Variants in ANKRD44 observed in about 807,000 individuals in gnomAD.
ANKRD44 encodes ankyrin repeat domain 44.
Under a neutral mutation model 116.0 loss-of-function variants are expected in ANKRD44, and 35 were observed. The ratio of observed to expected loss-of-function variants is 0.30; its 90% confidence interval spans 0.23 to 0.40. The LOEUF (loss-of-function observed/expected upper bound fraction) is 0.40, where lower values mean the gene tolerates loss of function less well. Among genes scored for constraint, ANKRD44 ranks in the 10% least tolerant of loss-of-function variants. ANKRD44 has a pLI of 1.00. For missense variants in ANKRD44, 1,014 were observed against 1,242.6 expected (o/e 0.82, Z 2.77); for synonymous variants, 435 against 461.8 (o/e 0.94, Z 0.74).
At chr2:197,271,359 G>A (rs1451267673) in intron 1 of ANKRD44, among the ~76,000 whole-genome samples, 2 of 152,194 alleles carry the variant, frequency 1.3e-5, no homozygotes, top group Admixed American at 1.3e-4. Flanking sequence ...GTGCAAGAAG[G>A]CACCATCTAC....
chr2:197,162,782 G>C (rs4850769), intron 2 of ANKRD44, among the ~76,000 whole-genome samples: 95,818 of 152,098 alleles, frequency 0.63, 34,004 homozygotes, highest in East Asian at 0.95. Flanking sequence ...CTGGGCTATG[G>C]GTACAGGGCA....
chr2:197,148,617 A>G (rs1468017824), intron 2 of ANKRD44, among the ~76,000 whole-genome samples: 1 of 152,182 alleles, frequency 6.6e-6, no homozygotes, highest in African/African-American at 2.4e-5. Context: ...TTGCTTTTAG[A>G]CATTTCATGA....
Position 197,078,812 on chromosome 2 carries a change from C to T in ANKRD44, c.1541G>A (p.Cys514Tyr). ...ATCATTTTGAAGCAGAAACTCTAGA[C>T]ATCTGTAAGTATAAAGATGAAGTGT... is the stretch of plus-strand genomic sequence containing the variant. ...RELKEKEATL[C>Y]LEFLLQNDAN... Residue 514 changes from cysteine (C) to tyrosine (Y), a missense_variant and splice_region_variant, in exon 16 of 28, where the codon TGT becomes TAT. By Grantham distance (194) the Cys-to-Tyr change is radical. Coordinates refer to ENST00000282272, the MANE Select transcript of ANKRD44 (RefSeq NM_001195144.2). The T allele has an allele frequency of 1.9e-6, 3 of 1,612,590 alleles. No homozygotes were observed. The highest frequency in any genetic ancestry group is 4.5e-5 in the East Asian group (2 of 44,846).
chr2:197,215,095 C>T (rs2081415962), intron 1 of ANKRD44, among the ~76,000 whole-genome samples: 1 of 152,142 alleles, frequency 6.6e-6, no homozygotes, highest in African/African-American at 2.4e-5. Context: ...AGGCTGGTCT[C>T]GAACTCCTGG....
intron 1 of ANKRD44, among the ~76,000 whole-genome samples, chr2:197,308,746 A>G (rs1035654362): frequency 2.0e-5 from 3 of 152,202 alleles, no homozygotes; most frequent in Non-Finnish European, 2.9e-5. Flanking sequence ...CTGAAGAATA[A>G]CTTCCTCTCT....
chr2:197,039,608 G>T (rs2076869352), intron 16 of ANKRD44, among the ~76,000 whole-genome samples: 1 of 151,742 alleles, frequency 6.6e-6, no homozygotes, highest in Non-Finnish European at 1.5e-5. Context: ...AGTGGAAGAG[G>T]CATCTGATTT....
chr2:197,177,733 T>A (rs2080401778), intron 2 of ANKRD44, among the ~76,000 whole-genome samples: 1 of 152,230 alleles, frequency 6.6e-6, no homozygotes, highest in South Asian at 2.1e-4. Context: ...TCAGCTATAA[T>A]TAATGTTTTG....
chr2:197,036,403 C>T (rs770225864), intron 16 of ANKRD44, among the ~76,000 whole-genome samples: 61 of 152,098 alleles, frequency 4.0e-4, no homozygotes, highest in Admixed American at 2.6e-3. Context: ...AGATTACAAG[C>T]GCCCACCATC....
Position 196,987,840 on chromosome 2 carries a change from A to AC in ANKRD44, c.*1750_*1751insG. The AC allele has an allele frequency of 1.0e-6, 1 of 980,788 alleles. No homozygotes were observed. Among genetic ancestry groups the AC allele is most frequent in the South Asian group, 4.7e-5 (1 of 21,190 alleles). The allele number at this position is 980,788 out of a possible 1,614,324, so 60.8% of individuals were successfully genotyped here. A position where few individuals can be genotyped will look rare whatever the true frequency, so the allele number is the denominator to read the frequency against. ...GCAACTAAGACTCAGTTAAAAACACATTTTTTTTTCTTAGAAAGCTATGGT... is the reference window on the plus strand; with the variant it reads ...GCAACTAAGACTCAGTTAAAAACACACTTTTTTTTTCTTAGAAAGCTATGGT... On this transcript the variant is annotated 3_prime_UTR_variant, in exon 28 of 28. Transcript: ENST00000282272.
intron 1 of ANKRD44, among the ~76,000 whole-genome samples, chr2:197,228,247 TATC>T (rs1204314897): frequency 6.6e-6 from 1 of 152,242 alleles, no homozygotes; most frequent in African/African-American, 2.4e-5. Flanking sequence ...TGGTTATTGC[TATC>T]ATCATAGCTG....
chr2:197,000,568 T>A, intron 22 of ANKRD44, 66 bp from the exon 23 acceptor site: 2 of 1,230,686 alleles, frequency 1.6e-6, no homozygotes, highest in Admixed American at 3.4e-5. Context: ...TCCTAACCCA[T>A]CTTCCTATGT....
chr2:197,266,699 CAA>C (rs534288039), intron 1 of ANKRD44, among the ~76,000 whole-genome samples: 2 of 151,396 alleles, frequency 1.3e-5, no homozygotes, highest in African/African-American at 4.9e-5. Context: ...TCCCCACCAG[CAA>C]AAAACAAACC....
At chr2:197,033,898 A>C (rs1440566519) in intron 16 of ANKRD44, among the ~76,000 whole-genome samples, 2 of 152,188 alleles carry the variant, frequency 1.3e-5, no homozygotes, top group African/African-American at 4.8e-5. Flanking sequence ...GCAATTTGCA[A>C]GTCATTTAAA....
In ANKRD44 at chr2:197,201,445, A is replaced by T. The variant is rs1406473493; in HGVS notation, c.28-14339T>A. Among the ~76,000 whole-genome samples the T allele has an allele frequency of 6.6e-6, 1 of 152,210 alleles. No individual in the cohort carries two copies. The highest frequency in any genetic ancestry group is 1.5e-5 in the Non-Finnish European group (1 of 68,030). On this transcript the variant is annotated intron_variant, in intron 1 of 27. Transcript: ENST00000282272. This position sits in a 1 kb window ranked among gnomAD's most constrained non-coding sequence, Gnocchi z 4.0. ...AGGCAACTGAGGTCTGAGACAAGGC[A>T]TCAGGGAGATAGGATCCTTTGGCCT...
At chr2:197,042,862 T>C (rs529989207) in intron 16 of ANKRD44, among the ~76,000 whole-genome samples, 20 of 152,340 alleles carry the variant, frequency 1.3e-4, no homozygotes, top group African/African-American at 3.8e-4. Flanking sequence ...GCATTTTCGG[T>C]AAACAGTGTC....
intron 1 of ANKRD44, among the ~76,000 whole-genome samples, chr2:197,254,291 G>A (rs183161182): frequency 6.6e-6 from 1 of 152,140 alleles, no homozygotes; most frequent in East Asian, 1.9e-4. Context: ...TGCTCGGGAG[G>A]CTGAGGCAGG....
intron 1 of ANKRD44, among the ~76,000 whole-genome samples, chr2:197,278,306 G>GT (rs35104018): frequency 4.7e-4 from 72 of 151,724 alleles, no homozygotes; most frequent in East Asian, 1.7e-3. Context: ...CTTTTTTTCT[G>GT]TTTTTTTTAT....
Position 196,998,958 on chromosome 2 carries a change from C to T in ANKRD44, c.2614G>A (p.Gly872Arg). The change falls in exon 24 of 28, where the codon GGG (glycine) becomes AGG (arginine). Residue 872 changes from glycine to arginine, a missense_variant. By Grantham distance (125) the Gly-to-Arg change is moderately radical (BLOSUM62 -2). Transcript: ENST00000282272. ...SAPVNAVDNS[G>R]KTALMMAAEN... ...GCAGCCATCATCAGTGCTGTTTTCC[C>T]TGAATTATCTACTGCGTTCACTGGA... 6.2e-7 allele frequency: 1 copy of T among 1,614,228 alleles called. No individual in the cohort carries two copies. Among genetic ancestry groups the T allele is most frequent in the South Asian group, 1.1e-5 (1 of 91,088 alleles).
At chr2:197,057,682 C>T (rs1395625642) in intron 16 of ANKRD44, among the ~76,000 whole-genome samples, 1 of 152,148 alleles carries the variant, frequency 6.6e-6, no homozygotes, top group Non-Finnish European at 1.5e-5. Flanking sequence ...ACAGCAAGAT[C>T]CTGTCACTAC....
Sources: allele counts gnomAD v4.1 joint callset (sites outside exome capture counted in the v4.1 genomes callset), GRCh38; gene constraint gnomAD v4.1.1; non-coding constraint Gnocchi (gnomAD v3.1); transcripts MANE v1.5; gene names NCBI Gene and HGNC (gene_info 2026-07-23, HGNC 2026-07-21).